The following MACIR variants were observed in gnomAD, a reference collection of about 807,000 sequenced individuals.
MACIR encodes macrophage immunometabolism regulator.
A neutral mutation model predicts 14.3 loss-of-function variants in MACIR; 4 were observed. The observed-to-expected ratio is 0.28, with a 90% CI of 0.14 to 0.64. The LOEUF (loss-of-function observed/expected upper bound fraction) is 0.64, where lower values mean the gene tolerates loss of function less well. MACIR is among the 30% of genes least tolerant of loss of function. The probability of loss-of-function intolerance (pLI) is 0.83; values close to 1 mark genes in which losing one functional copy is unlikely to be tolerated. For synonymous variants in MACIR, 101 were observed against 102.4 expected, an observed-to-expected ratio of 0.99 and a Z score of 0.08; for missense variants, 228 against 257.6, an observed-to-expected ratio of 0.89 and a Z score of 0.79.
At chr5:103,274,815 T>C (rs375492881) in intron 2 of MACIR, among the ~76,000 whole-genome samples, 1 of 152,206 alleles carries the variant, frequency 6.6e-6, no homozygotes, top group East Asian at 1.9e-4. Flanking sequence ...TGATGTCATT[T>C]TGATTAGCAA....
chr5:103,270,793 T>C (rs1258023779), intron 2 of MACIR, among the ~76,000 whole-genome samples: 1 of 152,134 alleles, frequency 6.6e-6, no homozygotes, highest in Admixed American at 6.5e-5. Context: ...AGACACCCTA[T>C]AGCATAGGAG....
At chr5:103,261,959 ATGT>A (rs1158627630) in intron 1 of MACIR, among the ~76,000 whole-genome samples, 1 of 152,022 alleles carries the variant, frequency 6.6e-6, no homozygotes, top group Non-Finnish European at 1.5e-5. Context: ...TTTGTGATCA[ATGT>A]TGTTAAATTT....
chr5:103,262,407 A>G (rs1554236379), intron 1 of MACIR, among the ~76,000 whole-genome samples: 2 of 152,200 alleles, frequency 1.3e-5, no homozygotes, highest in Non-Finnish European at 2.9e-5. Context: ...AGGATAACAA[A>G]TGAAACAGCC....
At position 103,276,041 on chromosome 5, in the gene MACIR, G is replaced by C; in HGVS notation, c.122G>C (p.Cys41Ser). 1 of 1,614,124 alleles carries C rather than the reference G, an allele frequency of 6.2e-7. No individual in the cohort carries two copies. The highest frequency in any genetic ancestry group is 8.5e-7 in the Non-Finnish European group (1 of 1,180,026). Residue 41 changes from cysteine to serine, a missense_variant, in exon 3 of 3, where the codon TGC (cysteine) becomes TCC (serine). Transcript: ENST00000319933. ...AAGCCCCGCTGCTCCAGCACACCCT[G>C]CTCCCCGATGCGGAGGACCGTGTCA... ...AEKPRCSSTPCSPMRRTVSGY... is the reference protein window; with the variant it reads ...AEKPRCSSTPSSPMRRTVSGY...
rs1422728836 is a variant in MACIR at position 103,278,112 on chromosome 5, T to G, written c.*1572T>G. On this transcript the variant is annotated 3_prime_UTR_variant, in exon 3 of 3. Transcript: ENST00000319933. ...GTTGGCCCATATCTTACTAAGTTGA[T>G]CAGATTTCTCGTTGGGCTGGAAATG... 1 of 167,054 alleles carries G rather than the reference T, an allele frequency of 6.0e-6. No homozygotes were observed. Among genetic ancestry groups the G allele is most frequent in the Non-Finnish European group, 1.5e-5 (1 of 68,092 alleles). 10.3% of individuals were successfully genotyped at this position (167,054 alleles called of 1,614,324 possible). A position where few individuals can be genotyped will look rare whatever the true frequency, so the allele number is the denominator to read the frequency against.
chr5:103,275,866 A>G, intron 2 of MACIR, 31 bp from the exon 3 acceptor site: 2 of 1,555,228 alleles, frequency 1.3e-6, no homozygotes, highest in South Asian at 2.5e-5. Flanking sequence ...TGTGCATTAT[A>G]TTCTTCTAAT....
Position 103,276,181 on chromosome 5 carries a change from A to G in MACIR, c.262A>G (p.Met88Val), listed in dbSNP as rs140904641. Reference sequence around the variant, plus strand: ...AGGTGAAGAGAGCAAAGCAGAAGCCATGCCATCCTTACGCTCCAAACAGCT... The same window carrying G: ...AGGTGAAGAGAGCAAAGCAGAAGCCGTGCCATCCTTACGCTCCAAACAGCT... The part of the protein sequence containing the change: ...TGGEESKAEA[M>V]PSLRSKQLDA... The change falls in exon 3 of 3, where the codon ATG (methionine) becomes GTG (valine). Residue 88 changes from methionine (M) to valine (V), a missense_variant. By Grantham distance (21) the Met-to-Val change is conservative. Coordinates refer to ENST00000319933, the MANE Select transcript of MACIR (RefSeq NM_033211.4). The G allele has an allele frequency of 5.0e-6, 8 of 1,613,748 alleles. No individual in the cohort carries two copies. The highest frequency in any genetic ancestry group is 1.3e-5 in the African/African-American group (1 of 74,764).
Position 103,258,806 on chromosome 5 carries a change from A to G in MACIR, c.-204A>G, listed in dbSNP as rs1804551112. 6.6e-6 allele frequency: 1 copy of G among 152,290 alleles called. No homozygotes were observed. The highest frequency in any genetic ancestry group is 2.4e-5 in the African/African-American group (1 of 41,404). The allele number at this position is 152,290 out of a possible 1,614,324, so 9.4% of individuals were successfully genotyped here. On this transcript the variant is annotated 5_prime_UTR_variant, in exon 1 of 3. Transcript: ENST00000319933. ...GGCTCGGCTGGCGGCCTCTGCCTGGATCTCGGCGCCGCAGTCCTGCGCCTC... is the reference window on the plus strand; with the variant it reads ...GGCTCGGCTGGCGGCCTCTGCCTGGGTCTCGGCGCCGCAGTCCTGCGCCTC...
chr5:103,264,009 T>C (rs1804833489), intron 1 of MACIR, among the ~76,000 whole-genome samples: 1 of 152,162 alleles, frequency 6.6e-6, no homozygotes, highest in African/African-American at 2.4e-5. Context: ...ACCATGCAGC[T>C]AAGTAGTTCC....
intron 2 of MACIR, among the ~76,000 whole-genome samples, chr5:103,275,622 ATTG>A (rs1393962917): frequency 2.7e-5 from 4 of 149,688 alleles, no homozygotes; most frequent in Non-Finnish European, 4.4e-5. Flanking sequence ...TTAGAGAAGT[ATTG>A]TTGTTGTTGT....
chr5:103,262,509 T>A (rs1554236393), intron 1 of MACIR, among the ~76,000 whole-genome samples: 1 of 152,198 alleles, frequency 6.6e-6, no homozygotes, highest in African/African-American at 2.4e-5. Context: ...TCACTCTTCT[T>A]TTGAAAGGCA....
upstream of MACIR, chr5:103,258,617 C>G (rs1411022972): frequency 6.5e-6 from 1 of 152,732 alleles, no homozygotes; most frequent in South Asian, 1.9e-4. Context: ...GAGCTGGGCG[C>G]AGGAGGCGGG....
intron 2 of MACIR, among the ~76,000 whole-genome samples, chr5:103,273,021 C>T (rs1554237247): frequency 1.3e-5 from 2 of 152,176 alleles, no homozygotes; most frequent in South Asian, 2.1e-4. Flanking sequence ...TTTCATGTTC[C>T]TGCGCCTTGA....
intron 2 of MACIR, 81 bp from the exon 3 acceptor site, chr5:103,275,816 C>T (rs1805300702): frequency 8.3e-7 from 1 of 1,198,286 alleles, no homozygotes; most frequent in Admixed American, 2.4e-5. Context: ...ACTTCATGCT[C>T]CCTGAGCCTT....
At chr5:103,272,709 A>G (rs1202016008) in intron 2 of MACIR, among the ~76,000 whole-genome samples, 2 of 152,134 alleles carry the variant, frequency 1.3e-5, no homozygotes, top group Non-Finnish European at 2.9e-5. Context: ...TGTGTGTAGA[A>G]GGGCAATATA....
In MACIR at chr5:103,276,644, A is replaced by G. The variant is rs954343533; in HGVS notation, c.*104A>G. On this transcript the variant is annotated 3_prime_UTR_variant, in exon 3 of 3. Transcript: ENST00000319933. The stretch of plus-strand genomic sequence containing the variant: ...GACTCTTCACACTATAGATGGTTAT[A>G]TCAGCTAAGTGTTCCTGGAACATAA... 2.8e-6 allele frequency: 3 copies of G among 1,066,736 alleles called. No individual in the cohort carries two copies. The highest frequency in any genetic ancestry group is 4.0e-6 in the Non-Finnish European group (3 of 750,060). The allele number at this position is 1,066,736 out of a possible 1,614,324, so 66.1% of individuals were successfully genotyped here. A position where few individuals can be genotyped will look rare whatever the true frequency, so the allele number is the denominator to read the frequency against.
intron 1 of MACIR, among the ~76,000 whole-genome samples, chr5:103,263,061 G>A (rs953978577): frequency 1.3e-5 from 2 of 152,186 alleles, no homozygotes; most frequent in African/African-American, 4.8e-5. Context: ...TTATAAGTGG[G>A]AGATGGGGGT....
intron 2 of MACIR, among the ~76,000 whole-genome samples, chr5:103,268,075 T>C (rs1213265738): frequency 6.6e-6 from 1 of 152,236 alleles, no homozygotes; most frequent in Non-Finnish European, 1.5e-5. Flanking sequence ...GTTTATCTCT[T>C]TCCCTGTTGA....
At chr5:103,262,150 A>T (rs1341702454) in intron 1 of MACIR, among the ~76,000 whole-genome samples, 1 of 152,034 alleles carries the variant, frequency 6.6e-6, no homozygotes, top group Non-Finnish European at 1.5e-5. Context: ...TATTAGAAGG[A>T]TTTATTTCCA....
Sources: gnomAD v4.1 joint callset for allele counts (sites outside exome capture counted in the v4.1 genomes callset) on GRCh38, gnomAD v4.1.1 for gene constraint, MANE v1.5 for transcripts, NCBI Gene and HGNC (gene_info 2026-07-23, HGNC 2026-07-21) for gene names.